The following TEX9 variants were observed in gnomAD, a reference collection of about 807,000 sequenced individuals.
TEX9 encodes the protein testis-expressed protein 9.
A neutral mutation model predicts 59.6 loss-of-function variants in TEX9; 74 were observed. The ratio of observed to expected loss-of-function variants is 1.24; its 90% CI spans 1.03 to 1.51. The LOEUF is 1.51. Ranked by LOEUF, TEX9 falls within the 40% of genes most tolerant of loss-of-function variation. TEX9 has a pLI of 0.00. For missense variants in TEX9, 522 were observed against 447.8 expected, an observed-to-expected ratio of 1.17 and a Z score of -1.49; for synonymous variants, 186 against 152.2, an observed-to-expected ratio of 1.22 and a Z score of -1.64.
At chr15:56,254,734 A>C (rs1410191444) in intron 1 of TEX9, among the ~76,000 whole-genome samples, 3 of 151,380 alleles carry the variant, frequency 2.0e-5, no homozygotes, top group Non-Finnish European at 2.9e-5. Context: ...GATGAATACA[A>C]ATTCTTTTTA....
At chr15:56,460,009 A>AAAAAAAATAT in the TEX9 span, among the ~76,000 whole-genome samples, 163 of 26,340 alleles carry the variant, frequency 6.2e-3, 35 homozygotes, top group Middle Eastern at 0.033. Flanking sequence ...AAAAAAAAAA[A>AAAAAAAATAT]ATACATATAT....
chr15:56,358,055 G>T (rs755415615), intron 1 of TEX9, among the ~76,000 whole-genome samples: 4 of 152,110 alleles, frequency 2.6e-5, no homozygotes, highest in Admixed American at 6.6e-5. Context: ...GTTTGAATCT[G>T]CTAGGACCGT....
At chr15:56,346,315 G>A (rs945429282) in intron 1 of TEX9, among the ~76,000 whole-genome samples, 4 of 152,108 alleles carry the variant, frequency 2.6e-5, no homozygotes, top group African/African-American at 9.7e-5. Context: ...AGGAGGAGGT[G>A]GGTTATGAGT....
At chr15:56,273,437 A>G (rs143656587) in intron 1 of TEX9, among the ~76,000 whole-genome samples, 428 of 152,166 alleles carry the variant, frequency 2.8e-3, no homozygotes, top group Middle Eastern at 0.01. Flanking sequence ...CCTCCCTCCA[A>G]TCTGTTGTTC....
intron 7 of TEX9, among the ~76,000 whole-genome samples, chr15:56,392,256 C>G (rs1224975838): frequency 6.6e-6 from 1 of 152,162 alleles, no homozygotes; most frequent in Non-Finnish European, 1.5e-5. Context: ...TTAATTGGCT[C>G]ATGGTACTGC....
intron 12 of TEX9, among the ~76,000 whole-genome samples, chr15:56,444,155 A>G (rs1290273197): frequency 2.0e-5 from 3 of 152,060 alleles, no homozygotes; most frequent in African/African-American, 7.2e-5. Context: ...TACCAAAAAA[A>G]TTTATCAGAA....
At chr15:56,459,525 T>A in the TEX9 span, among the ~76,000 whole-genome samples, 2 of 152,170 alleles carry the variant, frequency 1.3e-5, no homozygotes, top group Non-Finnish European at 1.5e-5. Flanking sequence ...GAAACTGAGA[T>A]AATAAATGGG....
chr15:56,400,135 C>T (rs920395555), intron 9 of TEX9, among the ~76,000 whole-genome samples: 2 of 152,028 alleles, frequency 1.3e-5, no homozygotes, highest in Admixed American at 6.6e-5. Flanking sequence ...GGAGAATGAC[C>T]GACGAGTTGA....
intron 1 of TEX9, among the ~76,000 whole-genome samples, chr15:56,276,267 C>A (rs1422337328): frequency 1.3e-5 from 2 of 151,838 alleles, no homozygotes; most frequent in Non-Finnish European, 2.9e-5. Context: ...ACCTATCCAC[C>A]CATCATCTAG....
chr15:56,266,463 T>A (rs2044384746), intron 1 of TEX9, among the ~76,000 whole-genome samples: 1 of 152,014 alleles, frequency 6.6e-6, no homozygotes, highest in East Asian at 1.9e-4. Context: ...TTCCTAATGC[T>A]ATCCGTCCCC....
intron 1 of TEX9, among the ~76,000 whole-genome samples, chr15:56,293,468 G>C (rs12440478): frequency 0.044 from 6,689 of 152,312 alleles, 223 homozygotes; most frequent in Admixed American, 0.087. Context: ...TTTCCAAAGA[G>C]AGGTCTGGCC....
At position 56,275,663 on chromosome 15, in the gene TEX9, A is replaced by G. The variant is rs559159003; in HGVS notation, c.-107+31385A>G. On this transcript the variant is annotated intron_variant, in intron 1 of 5. Coordinates refer to the TEX9 transcript ENST00000560827. ...TTATTGTTATATATTTTGTTTGTCT[A>G]TATTTTTTTAACCCACACGACTTTA... 2.4e-4 allele frequency among the ~76,000 whole-genome samples: 37 copies of G among 152,098 alleles called. 1 individual carries two copies. The East Asian group carries it at 5.6e-3, about 23-fold the overall frequency.
At chr15:56,354,235 C>T (rs2046641936) in intron 1 of TEX9, among the ~76,000 whole-genome samples, 1 of 152,192 alleles carries the variant, frequency 6.6e-6, no homozygotes. Context: ...CACGTGCTTG[C>T]AGAGGACATC....
At chr15:56,340,418 T>A (rs1363875715) in intron 1 of TEX9, among the ~76,000 whole-genome samples, 1 of 152,232 alleles carries the variant, frequency 6.6e-6, no homozygotes, top group Non-Finnish European at 1.5e-5. Flanking sequence ...TCAGAACTTT[T>A]ATTCAACGTC....
At chr15:56,311,779 A>G (rs1199822899) in intron 1 of TEX9, among the ~76,000 whole-genome samples, 8 of 145,302 alleles carry the variant, frequency 5.5e-5, no homozygotes, top group African/African-American at 2.0e-4. Flanking sequence ...AAGTGTTCCT[A>G]TTTCTCCACA....
intron 1 of TEX9, among the ~76,000 whole-genome samples, chr15:56,310,621 C>T (rs2718918): frequency 0.38 from 57,260 of 151,968 alleles, 11,321 homozygotes; most frequent in Non-Finnish European, 0.44. Context: ...ACCAGCTCTG[C>T]CAAGTAGGCT....
intron 1 of TEX9, among the ~76,000 whole-genome samples, chr15:56,358,919 G>A (rs778794037): frequency 2.0e-5 from 3 of 152,064 alleles, no homozygotes; most frequent in Non-Finnish European, 4.4e-5. Flanking sequence ...AGACATGCCT[G>A]CTTCTCCTTC....
intron 10 of TEX9, among the ~76,000 whole-genome samples, chr15:56,414,992 G>A (rs960544755): frequency 1.3e-5 from 2 of 151,294 alleles, no homozygotes; most frequent in Non-Finnish European, 2.9e-5. Context: ...GATGATCAGT[G>A]ATATTGAGCT....
At chr15:56,353,217 A>G (rs944496789) in intron 1 of TEX9, among the ~76,000 whole-genome samples, 10 of 152,236 alleles carry the variant, frequency 6.6e-5, no homozygotes, top group Non-Finnish European at 1.0e-4. Context: ...TTTTAATTAA[A>G]TTAATGTACA....
Sources: allele counts gnomAD v4.1 joint callset (sites outside exome capture counted in the v4.1 genomes callset), GRCh38; gene constraint gnomAD v4.1.1; transcripts MANE v1.5; gene names NCBI Gene and HGNC (gene_info 2026-07-23, HGNC 2026-07-21).